RAB3C: variants seen among roughly 807,000 people sequenced by gnomAD.
RAB3C encodes ras-related protein Rab-3C.
Under a neutral mutation model 26.4 loss-of-function variants are expected in RAB3C, and 17 were observed. The observed-to-expected ratio is 0.64, with a 90% CI of 0.44 to 0.97. The LOEUF (loss-of-function observed/expected upper bound fraction) is 0.97. Ranked by LOEUF, RAB3C falls within the 50% of genes least tolerant of loss-of-function variation. The pLI, the probability that RAB3C is intolerant of heterozygous loss-of-function variation, is 0.00. For missense variants in RAB3C, 242 were observed against 281.9 expected (o/e 0.86, Z 1.01); for synonymous variants, 91 against 95.9 (o/e 0.95, Z 0.30).
At chr5:58,659,842 C>T (rs747241243) in intron 2 of RAB3C, among the ~76,000 whole-genome samples, 52 of 152,162 alleles carry the variant, frequency 3.4e-4, no homozygotes, top group Non-Finnish European at 5.7e-4. Context: ...CTGGCTCTAT[C>T]GCCCAGGCTG....
intron 3 of RAB3C, among the ~76,000 whole-genome samples, chr5:58,778,962 G>T (rs1043085222): frequency 3.3e-5 from 5 of 152,092 alleles, no homozygotes; most frequent in African/African-American, 9.7e-5. Context: ...AAGTGGGACA[G>T]GATTAAAAAC....
At chr5:58,649,322 C>T (rs1174525654) in intron 2 of RAB3C, among the ~76,000 whole-genome samples, 3 of 152,096 alleles carry the variant, frequency 2.0e-5, no homozygotes, top group African/African-American at 4.8e-5. Context: ...AAATATTTGA[C>T]ATAGCACGTC....
Position 58,776,707 on chromosome 5 carries a change from G to A in RAB3C, c.372-48331G>A, listed in dbSNP as rs528699510. ...TTAATGGCTTAGCACAATAAAACCT[G>A]ACTGCTTGCTCCCACTCCACTGGAT... On this transcript the variant is annotated intron_variant, in intron 3 of 4. Transcript: ENST00000282878. 2.6e-4 allele frequency among the ~76,000 whole-genome samples: 40 copies of A among 152,176 alleles called. 1 individual carries two copies. The South Asian group carries it at 8.3e-3, about 32-fold the overall frequency.
chr5:58,724,111 A>C (rs1313003877), intron 2 of RAB3C, among the ~76,000 whole-genome samples: 1 of 151,764 alleles, frequency 6.6e-6, no homozygotes, highest in South Asian at 2.1e-4. Context: ...TGCAAATGTC[A>C]AACTTCTGTA....
intron 3 of RAB3C, among the ~76,000 whole-genome samples, chr5:58,810,100 T>C (rs996380100): frequency 2.0e-5 from 3 of 152,106 alleles, no homozygotes; most frequent in Non-Finnish European, 4.4e-5. Context: ...TTGCCCCTCC[T>C]AGAGAAGCTG....
At chr5:58,647,781 A>G (rs1048052049) in intron 2 of RAB3C, 3 of 152,142 alleles carry the variant, frequency 2.0e-5, no homozygotes, top group African/African-American at 7.2e-5. Flanking sequence ...CTTGGATGTA[A>G]TCATGCACAC....
chr5:58,724,846 C>G (rs1000988634), intron 2 of RAB3C, among the ~76,000 whole-genome samples: 2 of 151,566 alleles, frequency 1.3e-5, no homozygotes, highest in Non-Finnish European at 2.9e-5. Flanking sequence ...CTCCATCCTC[C>G]CACATTCTGA....
At chr5:58,711,376 C>A (rs1749059405) in intron 2 of RAB3C, among the ~76,000 whole-genome samples, 1 of 152,064 alleles carries the variant, frequency 6.6e-6, no homozygotes, top group Non-Finnish European at 1.5e-5. Flanking sequence ...TTACAGAGAA[C>A]TTTTCTCATT....
intron 2 of RAB3C, among the ~76,000 whole-genome samples, chr5:58,724,573 A>T (rs1204394523): frequency 6.6e-6 from 1 of 151,794 alleles, no homozygotes; most frequent in African/African-American, 2.4e-5. Context: ...TGCAATAAAA[A>T]GCTCAGATTT....
chr5:58,711,497 A>T (rs1749061250), intron 2 of RAB3C, among the ~76,000 whole-genome samples: 1 of 152,206 alleles, frequency 6.6e-6, no homozygotes, highest in South Asian at 2.1e-4. Flanking sequence ...TGTGAGTCTT[A>T]GAGCCAGGGT....
chr5:58,632,559 G>T (rs1256686264), intron 2 of RAB3C, among the ~76,000 whole-genome samples: 1 of 152,204 alleles, frequency 6.6e-6, no homozygotes, highest in African/African-American at 2.4e-5. Flanking sequence ...GATCGGGGAA[G>T]GGGCAGACCA....
At chr5:58,827,726 C>T (rs1474649583) in intron 4 of RAB3C, among the ~76,000 whole-genome samples, 2 of 152,184 alleles carry the variant, frequency 1.3e-5, no homozygotes, top group Non-Finnish European at 2.9e-5. Flanking sequence ...TAGCAACCAA[C>T]ACATGTGCAT....
intron 3 of RAB3C, among the ~76,000 whole-genome samples, chr5:58,764,449 C>T (rs1016054142): frequency 7.3e-6 from 1 of 136,274 alleles, no homozygotes; most frequent in African/African-American, 2.7e-5. Context: ...CTGGAAGCCA[C>T]CTGAGGACTT....
chr5:58,649,685 C>T (rs2111783741), intron 2 of RAB3C, among the ~76,000 whole-genome samples: 1 of 152,236 alleles, frequency 6.6e-6, no homozygotes. Context: ...CCGACAAGCT[C>T]TTGTCTCTCC....
chr5:58,702,197 G>A (rs1748858790), intron 2 of RAB3C, among the ~76,000 whole-genome samples: 1 of 152,116 alleles, frequency 6.6e-6, no homozygotes, highest in South Asian at 2.1e-4. Flanking sequence ...ACTCTTATGT[G>A]TAATTCACTT....
At chr5:58,743,029 G>T (rs1275764959) in intron 3 of RAB3C, among the ~76,000 whole-genome samples, 1 of 152,090 alleles carries the variant, frequency 6.6e-6, no homozygotes, top group Non-Finnish European at 1.5e-5. Context: ...ACCAGGCTGG[G>T]GACTCTGAGT....
chr5:58,628,792 G>GCTGAGCACGCTCCCTGCTGC (rs1185630456), intron 2 of RAB3C, among the ~76,000 whole-genome samples: 1 of 152,226 alleles, frequency 6.6e-6, no homozygotes, highest in East Asian at 1.9e-4. Flanking sequence ...GCCTTGCCAG[G>GCTGAGCACGCTCCCTGCTGC]CTGAGCACGC....
chr5:58,594,534 T>C (rs1388294550), intron 1 of RAB3C, among the ~76,000 whole-genome samples: 1 of 152,152 alleles, frequency 6.6e-6, no homozygotes, highest in Non-Finnish European at 1.5e-5. Context: ...TCCTAATTGG[T>C]ACAGTTATAC....
intron 2 of RAB3C, among the ~76,000 whole-genome samples, chr5:58,721,896 G>C (rs1421727799): frequency 6.6e-6 from 1 of 151,574 alleles, no homozygotes; most frequent in African/African-American, 2.4e-5. Context: ...TGAAGATCCT[G>C]CCCCTTGCTG....
Sources: gnomAD v4.1 joint callset for allele counts (sites outside exome capture counted in the v4.1 genomes callset) on GRCh38, gnomAD v4.1.1 for gene constraint, MANE v1.5 for transcripts, NCBI Gene and HGNC (gene_info 2026-07-23, HGNC 2026-07-21) for gene names.